Variants in ESR1 observed in about 807,000 individuals in gnomAD.
ESR1 encodes estrogen receptor 1, also known as estrogen receptor.
ESR1 carries 12 observed loss-of-function variants against 52.7 expected under a neutral mutation model. The ratio of observed to expected loss-of-function variants is 0.23; its 90% CI spans 0.15 to 0.37. The LOEUF (loss-of-function observed/expected upper bound fraction) is 0.37, where lower values mean the gene tolerates loss of function less well. Ranked by LOEUF, ESR1 falls within the 10% of genes least tolerant of loss-of-function variation. The pLI is 1.00. For missense variants in ESR1, 584 were observed against 779.7 expected (o/e 0.75, Z 2.99); for synonymous variants, 305 against 316.8 (o/e 0.96, Z 0.39).
intron 5 of ESR1, among the ~76,000 whole-genome samples, chr6:152,058,255 G>A (rs1431787714): frequency 2.6e-5 from 4 of 152,048 alleles, no homozygotes; most frequent in Non-Finnish European, 4.4e-5. Context: ...CCCACTTCTA[G>A]TATGTTCTCC....
At chr6:152,028,730 C>A (rs2044388770) in intron 5 of ESR1, among the ~76,000 whole-genome samples, 1 of 152,212 alleles carries the variant, frequency 6.6e-6, no homozygotes, top group African/African-American at 2.4e-5. Context: ...AGGGCATAGC[C>A]AAACAGAAGG....
At chr6:151,979,442 A>G (rs2039779971) in intron 4 of ESR1, among the ~76,000 whole-genome samples, 1 of 152,280 alleles carries the variant, frequency 6.6e-6, no homozygotes, top group African/African-American at 2.4e-5. Flanking sequence ...TTTATTGATG[A>G]CTTGATATGT....
chr6:152,044,928 C>T (rs2046106355), intron 5 of ESR1, among the ~76,000 whole-genome samples: 1 of 152,202 alleles, frequency 6.6e-6, no homozygotes, highest in Non-Finnish European at 1.5e-5. Flanking sequence ...CAGTATTAAC[C>T]ATCACCCTAG....
At chr6:151,897,280 T>C (rs1248941819) in intron 3 of ESR1, among the ~76,000 whole-genome samples, 1 of 152,208 alleles carries the variant, frequency 6.6e-6, no homozygotes, top group Non-Finnish European at 1.5e-5. Context: ...CAGTGGAGTA[T>C]TGAAGTCCCC....
intron 3 of ESR1, among the ~76,000 whole-genome samples, chr6:151,900,843 G>A (rs1796567504): frequency 6.6e-6 from 1 of 152,228 alleles, no homozygotes; most frequent in Non-Finnish European, 1.5e-5. Flanking sequence ...TCTGATAGAG[G>A]TGGCAGGGGA....
At chr6:151,945,931 T>A (rs1173802436) in intron 4 of ESR1, among the ~76,000 whole-genome samples, 1 of 152,144 alleles carries the variant, frequency 6.6e-6, no homozygotes, top group East Asian at 1.9e-4. Context: ...GGTTATTAGT[T>A]TACATGGAAG....
chr6:151,919,560 T>C (rs766639887), intron 3 of ESR1, among the ~76,000 whole-genome samples: 1 of 152,200 alleles, frequency 6.6e-6, no homozygotes, highest in Admixed American at 6.5e-5. Context: ...CACTACAGCA[T>C]TGTGTTAGAT....
chr6:151,831,555 G>A (rs1782418911), intron 1 of ESR1, among the ~76,000 whole-genome samples: 1 of 152,142 alleles, frequency 6.6e-6, no homozygotes, highest in South Asian at 2.1e-4. Context: ...AGCCCTTTGG[G>A]TGGGCTCCCA....
In ESR1 at chr6:151,949,392, G is replaced by A. The variant is rs562248718; in HGVS notation, c.1096+4884G>A. 3.3e-5 allele frequency among the ~76,000 whole-genome samples: 5 copies of A among 152,290 alleles called. No homozygotes were observed. The South Asian group carries it at 1.0e-3, about 32-fold the overall frequency. Reference sequence around the variant, plus strand: ...CTGTAGATTTCAGAGATTTAGCAGGGCTTCCCAGCACTCTGCTTCCCAACC... The same window carrying A: ...CTGTAGATTTCAGAGATTTAGCAGGACTTCCCAGCACTCTGCTTCCCAACC... On this transcript the variant is annotated intron_variant, in intron 4 of 7. Coordinates refer to ENST00000206249, the MANE Select transcript of ESR1 (RefSeq NM_000125.4).
At chr6:151,662,768 C>T (rs1777682988) in intron 1 of ESR1, among the ~76,000 whole-genome samples, 1 of 152,182 alleles carries the variant, frequency 6.6e-6, no homozygotes, top group Non-Finnish European at 1.5e-5. Flanking sequence ...CTTAGTTTCT[C>T]TTCAGAATTA....
chr6:151,995,956 G>A lies in ESR1; in HGVS notation c.1097-15700G>A, dbSNP rs1314589712. The stretch of plus-strand genomic sequence containing the variant: ...GGAGAAGTTACATAGCTTTCTCATG[G>A]TGTCTCCACTATGAAGTAGCTGAGC... On this transcript the variant is annotated intron_variant, in intron 4 of 7. Coordinates refer to ENST00000206249, the MANE Select transcript of ESR1 (RefSeq NM_000125.4). 3.9e-5 allele frequency among the ~76,000 whole-genome samples: 6 copies of A among 152,220 alleles called. No homozygotes were observed. In the East Asian group the frequency reaches 1.2e-3, roughly 29 times the overall value.
At chr6:151,732,684 T>C (rs1782344781) in intron 2 of ESR1, among the ~76,000 whole-genome samples, 1 of 152,142 alleles carries the variant, frequency 6.6e-6, no homozygotes, top group Admixed American at 6.5e-5. Context: ...AATTAACTTC[T>C]ATGATAAAAA....
At chr6:151,877,849 G>A (rs1255763849) in intron 2 of ESR1, among the ~76,000 whole-genome samples, 3 of 151,430 alleles carry the variant, frequency 2.0e-5, no homozygotes, top group African/African-American at 7.3e-5. Flanking sequence ...TCGCTCTGTT[G>A]TCCATGCTGG....
Position 152,088,364 on chromosome 6 carries a change from T to C in ESR1, c.1370-6021T>C, listed in dbSNP as rs2049909385. On this transcript the variant is annotated intron_variant, in intron 6 of 7. Transcript: ENST00000206249. ...GAAAACTAAAAACTAACCAACCTAT[T>C]TGTGTATGATAAAAGGAGAGAAAAA... Among the ~76,000 whole-genome samples the C allele has an allele frequency of 1.3e-5, 2 of 152,048 alleles. 1 individual carries two copies. Among genetic ancestry groups the C allele is most frequent in the African/African-American group, 4.8e-5 (2 of 41,380 alleles).
intron 1 of ESR1, among the ~76,000 whole-genome samples, chr6:151,667,693 CCTTG>C (rs921511942): frequency 1.3e-5 from 2 of 152,122 alleles, no homozygotes; most frequent in African/African-American, 4.8e-5. Flanking sequence ...TAGTCCCAGT[CCTTG>C]TTTGCAGGGA....
At chr6:151,853,285 G>A (rs976842889) in intron 2 of ESR1, among the ~76,000 whole-genome samples, 1 of 151,750 alleles carries the variant, frequency 6.6e-6, no homozygotes, top group Non-Finnish European at 1.5e-5. Context: ...TAGGTGTTTG[G>A]CTACTGTTTC....
intron 1 of ESR1, among the ~76,000 whole-genome samples, chr6:151,825,444 G>A (rs879649098): frequency 3.3e-5 from 5 of 152,180 alleles, no homozygotes; most frequent in Non-Finnish European, 7.4e-5. Context: ...AACTGTACTT[G>A]TGCCATTTTC....
intron 2 of ESR1, among the ~76,000 whole-genome samples, chr6:151,753,517 C>T (rs150368689): frequency 5.9e-5 from 9 of 152,072 alleles, no homozygotes; most frequent in Non-Finnish European, 8.8e-5. Flanking sequence ...AAGGTTTCAC[C>T]GTGTTGACTA....
rs185559405 is a variant in ESR1 at position 151,777,156 on chromosome 6, C to T, written c.-70-30687C>T. On this transcript the variant is annotated intron_variant, in intron 2 of 2. Coordinates refer to the ESR1 transcript ENST00000404742. The stretch of plus-strand genomic sequence containing the variant: ...TTTTGAGACAGAGTCTTGCTCTTGT[C>T]GCCCAGCCTAGAGTGTAGTAGTGTG... Among the ~76,000 whole-genome samples, 998 of 147,134 alleles carry T rather than the reference C, an allele frequency of 6.8e-3. 6 individuals carry two copies. Among genetic ancestry groups the T allele is most frequent in the Middle Eastern group, 0.017 (5 of 290 alleles).
Sources: gnomAD v4.1 joint callset for allele counts (sites outside exome capture counted in the v4.1 genomes callset) on GRCh38, gnomAD v4.1.1 for gene constraint, MANE v1.5 for transcripts, NCBI Gene and HGNC (gene_info 2026-07-23, HGNC 2026-07-21) for gene names.